The following C10orf90 variants were observed in gnomAD, a reference collection of about 807,000 sequenced individuals.
The protein encoded by C10orf90 is (E2-independent) E3 ubiquitin-conjugating enzyme FATS.
C10orf90 carries 56 observed loss-of-function variants against 62.5 expected under a neutral mutation model. That is an observed-to-expected ratio of 0.90 (90% CI 0.72 to 1.12). The LOEUF is 1.12. Ranked by LOEUF, C10orf90 falls within the 50% of genes most tolerant of loss-of-function variation. The pLI, the probability that C10orf90 is intolerant of heterozygous loss-of-function variation, is 0.00. For missense variants in C10orf90, 970 were observed against 880.4 expected, an observed-to-expected ratio of 1.10 and a Z score of -1.29; for synonymous variants, 386 against 340.4, an observed-to-expected ratio of 1.13 and a Z score of -1.47.
At chr10:126,623,860 A>G (rs1215809278) in intron 2 of C10orf90, among the ~76,000 whole-genome samples, 1 of 150,170 alleles carries the variant, frequency 6.7e-6, no homozygotes, top group Non-Finnish European at 1.5e-5. Flanking sequence ...AAAAAAAAAG[A>G]ATGAGAGCTT....
intron 7 of C10orf90, among the ~76,000 whole-genome samples, chr10:126,431,682 C>A (rs1857579374): frequency 6.6e-6 from 1 of 152,198 alleles, no homozygotes; most frequent in Non-Finnish European, 1.5e-5. Flanking sequence ...CCAGGGTAGA[C>A]AGACGGTGTC....
chr10:126,507,457 C>A (rs186429829), intron 3 of C10orf90, among the ~76,000 whole-genome samples: 99 of 147,502 alleles, frequency 6.7e-4, no homozygotes, highest in African/African-American at 2.2e-3. Context: ...TTAAAATTTA[C>A]TTCATTTAAA....
chr10:126,479,861 C>T (rs747208021), intron 4 of C10orf90, among the ~76,000 whole-genome samples: 41 of 152,166 alleles, frequency 2.7e-4, no homozygotes, highest in Non-Finnish European at 5.4e-4. Flanking sequence ...AGTTCCTTCT[C>T]GATTATAATA....
intron 3 of C10orf90, among the ~76,000 whole-genome samples, chr10:126,513,484 C>A (rs997975114): frequency 6.6e-6 from 1 of 152,100 alleles, no homozygotes; most frequent in Non-Finnish European, 1.5e-5. Context: ...CTATTCAGAC[C>A]ACTGACACTT....
chr10:126,626,148 A>C (rs1368120915), intron 2 of C10orf90, among the ~76,000 whole-genome samples: 8 of 138,840 alleles, frequency 5.8e-5, no homozygotes, highest in Non-Finnish European at 1.2e-4. Context: ...AAAAAAAAAA[A>C]GTGAGAAGGC....
intron 3 of C10orf90, among the ~76,000 whole-genome samples, chr10:126,513,007 G>A (rs141291236): frequency 6.6e-6 from 1 of 152,192 alleles, no homozygotes; most frequent in African/African-American, 2.4e-5. Flanking sequence ...ACTTTAATCT[G>A]TAGTGAGAGA....
chr10:126,469,865 G>T, intron 4 of C10orf90: 1 of 456,762 alleles, frequency 2.2e-6, no homozygotes. Context: ...GCGCCTGCAG[G>T]TGAGTTGAGG....
At position 126,445,230 on chromosome 10, in the gene C10orf90, C is replaced by T. The variant is rs781054130; in HGVS notation, c.2188+13810G>A. Among the ~76,000 whole-genome samples the T allele has an allele frequency of 1.1e-4, 16 of 152,048 alleles. 1 individual carries two copies. The highest frequency in any genetic ancestry group is 1.4e-4 in the African/African-American group (6 of 41,410). ...AGGAACAGTCAGCAGAGTAAATAGACAAAACACAGAGTGGGAGAAAATCTT... is the reference window on the plus strand; with the variant it reads ...AGGAACAGTCAGCAGAGTAAATAGATAAAACACAGAGTGGGAGAAAATCTT... On this transcript the variant is annotated intron_variant, in intron 7 of 9. Coordinates refer to ENST00000488181, the MANE Select transcript of C10orf90 (RefSeq NM_001350921.2).
chr10:126,513,109 A>G (rs1183220570), intron 3 of C10orf90, among the ~76,000 whole-genome samples: 1 of 152,168 alleles, frequency 6.6e-6, no homozygotes, highest in African/African-American at 2.4e-5. Flanking sequence ...TGTAAACTGT[A>G]ACATCTTGGA....
intron 2 of C10orf90, among the ~76,000 whole-genome samples, chr10:126,542,683 T>C (rs1864404833): frequency 6.6e-6 from 1 of 152,178 alleles, no homozygotes; most frequent in Non-Finnish European, 1.5e-5. Context: ...AGATACTCTG[T>C]CTTTTCTTTA....
At chr10:126,623,185 A>G (rs1200189651) in intron 2 of C10orf90, among the ~76,000 whole-genome samples, 1 of 152,114 alleles carries the variant, frequency 6.6e-6, no homozygotes, top group African/African-American at 2.4e-5. Context: ...CCTGCTCAAA[A>G]TCTTTCTTGG....
At chr10:126,544,515 A>G (rs1864447268) in intron 2 of C10orf90, among the ~76,000 whole-genome samples, 1 of 151,464 alleles carries the variant, frequency 6.6e-6, no homozygotes. Flanking sequence ...CATAAGACAC[A>G]TTCCCAAGCA....
chr10:126,612,693 T>C (rs146073168), intron 2 of C10orf90, among the ~76,000 whole-genome samples: 55 of 152,338 alleles, frequency 3.6e-4, no homozygotes, highest in South Asian at 1.9e-3. Context: ...ATGTAAGCTA[T>C]GATTTCCACT....
Position 126,489,407 on chromosome 10 carries a change from G to A in C10orf90, c.1534+14550C>T, listed in dbSNP as rs373554942. ...AAAACCTGAATAAAAATGGGCAAAG[G>A]ACTTGAATAATTGTTGCTTCAAAGA... On this transcript the variant is annotated intron_variant, in intron 4 of 9. Transcript: ENST00000488181. Among the ~76,000 whole-genome samples, 6 of 152,210 alleles carry A rather than the reference G, an allele frequency of 3.9e-5. No homozygotes were observed. In the East Asian group the frequency reaches 1.2e-3, roughly 29 times the overall value.
chr10:126,527,385 T>C (rs901630821), intron 2 of C10orf90, among the ~76,000 whole-genome samples: 8 of 152,242 alleles, frequency 5.3e-5, no homozygotes, highest in Non-Finnish European at 1.2e-4. Flanking sequence ...ATCCAGATCC[T>C]TTGCTCATTT....
intron 1 of C10orf90, among the ~76,000 whole-genome samples, chr10:126,654,934 G>C (rs563435886): frequency 6.6e-6 from 1 of 152,300 alleles, no homozygotes; most frequent in Admixed American, 6.5e-5. Flanking sequence ...GAGAGGGAGA[G>C]AGGTGAGAGA....
At chr10:126,600,249 C>G (rs1181189583) in intron 2 of C10orf90, among the ~76,000 whole-genome samples, 1 of 152,234 alleles carries the variant, frequency 6.6e-6, no homozygotes, top group Non-Finnish European at 1.5e-5. Flanking sequence ...AGCAGGAAGT[C>G]AGCTCACCGG....
intron 2 of C10orf90, among the ~76,000 whole-genome samples, chr10:126,525,283 C>T (rs756597380): frequency 3.9e-5 from 6 of 152,332 alleles, no homozygotes; most frequent in South Asian, 2.1e-4. Flanking sequence ...AAGCCACACA[C>T]GTCGGTGAGA....
chr10:126,439,219 C>G (rs1179541115), intron 7 of C10orf90, among the ~76,000 whole-genome samples: 1 of 152,148 alleles, frequency 6.6e-6, no homozygotes, highest in African/African-American at 2.4e-5. Flanking sequence ...TGGCAATTGT[C>G]AACCTCAGCT....
Sources: allele counts gnomAD v4.1 joint callset (sites outside exome capture counted in the v4.1 genomes callset), GRCh38; gene constraint gnomAD v4.1.1; transcripts MANE v1.5; gene names NCBI Gene and HGNC (gene_info 2026-07-23, HGNC 2026-07-21).